Variants in ASTN2 observed in about 807,000 individuals in gnomAD.
ASTN2 encodes the protein astrotactin-2.
Under a neutral mutation model 139.8 loss-of-function variants are expected in ASTN2, and 54 were observed. The observed-to-expected ratio is 0.39, with a 90% confidence interval of 0.31 to 0.48. The LOEUF is 0.48. ASTN2 is among the 20% of genes least tolerant of loss of function. The probability of loss-of-function intolerance (pLI) is 0.95; values close to 1 mark genes in which losing one functional copy is unlikely to be tolerated. For missense variants in ASTN2, 1,565 were observed against 1,725.1 expected, an observed-to-expected ratio of 0.91 and a Z score of 1.64; for synonymous variants, 756 against 719.5, an observed-to-expected ratio of 1.05 and a Z score of -0.81.
intron 17 of ASTN2, among the ~76,000 whole-genome samples, chr9:116,645,689 T>A (rs530233932): frequency 3.5e-4 from 53 of 152,338 alleles, no homozygotes; most frequent in Non-Finnish European, 5.4e-4. Flanking sequence ...ACTTCCACTC[T>A]GCATTAGAAT....
chr9:116,914,583 T>C (rs59273051), intron 10 of ASTN2, among the ~76,000 whole-genome samples: 2 of 147,794 alleles, frequency 1.4e-5, no homozygotes, highest in Non-Finnish European at 3.0e-5. Flanking sequence ...TTATATATAT[T>C]TTTTTTTACA....
chr9:116,423,762 T>C lies in ASTN2; in HGVS notation c.*2089A>G, dbSNP rs1295177674. 6.7e-6 allele frequency among the ~76,000 whole-genome samples: 1 copy of C among 149,252 alleles called. No homozygotes were observed. Among genetic ancestry groups the C allele is most frequent in the Non-Finnish European group, 1.5e-5 (1 of 68,018 alleles). ...TTGGAAGAATCTCTTTCTGCTTTGTTTTCTTTTGTGTTACCCATTTTCCCC... is the reference window on the plus strand; with the variant it reads ...TTGGAAGAATCTCTTTCTGCTTTGTCTTCTTTTGTGTTACCCATTTTCCCC... On this transcript the variant is annotated 3_prime_UTR_variant, in exon 23 of 23. Coordinates refer to ENST00000313400, the MANE Select transcript of ASTN2 (RefSeq NM_001365068.1).
intron 1 of ASTN2, among the ~76,000 whole-genome samples, chr9:117,340,136 C>A (rs1247652051): frequency 1.3e-5 from 2 of 151,508 alleles, no homozygotes; most frequent in African/African-American, 4.9e-5. Context: ...ACCAGCCTAG[C>A]CAACCTGGTG....
intron 3 of ASTN2, among the ~76,000 whole-genome samples, chr9:117,193,639 C>CAAAAAAAAA (rs61700943): frequency 2.1e-4 from 22 of 105,872 alleles, no homozygotes; most frequent in Middle Eastern, 6.2e-3. Context: ...ATTCAGTCAC[C>CAAAAAAAAA]AAAAAAAAAA....
chr9:117,214,689 G>A lies in ASTN2; in HGVS notation c.684C>T (p.Tyr228=), dbSNP rs753397797. ...LLLLVFTVAL[Y]AQRRWQKRRR... ...GACGCTTCTGCCAACGTCGCTGGGCGTACAGCGCCACGGTGAACACCAGCA... is the reference window on the plus strand; with the variant it reads ...GACGCTTCTGCCAACGTCGCTGGGCATACAGCGCCACGGTGAACACCAGCA... The change falls in exon 3 of 23, where the codon TAC becomes TAT. Residue 228 remains tyrosine, a synonymous_variant. Coordinates refer to ENST00000313400, the MANE Select transcript of ASTN2 (RefSeq NM_001365068.1). 1.4e-5 allele frequency: 21 copies of A among 1,538,412 alleles called. No individual in the cohort carries two copies. Among genetic ancestry groups the A allele is most frequent in the African/African-American group, 9.5e-5 (7 of 73,562 alleles).
intron 10 of ASTN2, among the ~76,000 whole-genome samples, chr9:116,941,024 C>A (rs1447523489): frequency 6.6e-6 from 1 of 152,298 alleles, no homozygotes; most frequent in South Asian, 2.1e-4. Flanking sequence ...TAGGCTACAT[C>A]ATGTAGCCTT....
rs1041914645 is a variant in ASTN2, at chr9:116,522,854, C to G, written c.3356-35354G>C. On this transcript the variant is annotated intron_variant, in intron 19 of 22. Transcript: ENST00000313400. Reference sequence around the variant, plus strand: ...AAGACTTTAACCCAGTTTTGTCTTCCACTAAATTCTGTATTATCTCTACTA... The same window carrying G: ...AAGACTTTAACCCAGTTTTGTCTTCGACTAAATTCTGTATTATCTCTACTA... Among the ~76,000 whole-genome samples the G allele has an allele frequency of 5.3e-5, 8 of 152,092 alleles. 1 individual carries two copies. Among genetic ancestry groups the G allele is most frequent in the Admixed American group, 4.6e-4 (7 of 15,244 alleles).
chr9:116,747,502 T>A (rs1829276158), intron 13 of ASTN2, among the ~76,000 whole-genome samples: 1 of 152,154 alleles, frequency 6.6e-6, no homozygotes, highest in Non-Finnish European at 1.5e-5. Flanking sequence ...CCTTGTGAGT[T>A]AGGTATTATT....
At chr9:117,387,809 A>G (rs1830438237) in intron 1 of ASTN2, among the ~76,000 whole-genome samples, 1 of 152,208 alleles carries the variant, frequency 6.6e-6, no homozygotes, top group African/African-American at 2.4e-5. Flanking sequence ...CAAGAAAGTC[A>G]TCACTTTTGC....
chr9:116,518,553 C>A (rs1850742376), intron 19 of ASTN2, among the ~76,000 whole-genome samples: 1 of 151,994 alleles, frequency 6.6e-6, no homozygotes. Flanking sequence ...AAAATAGAAC[C>A]TCCTTAAAGC....
rs1249661588 is a variant in ASTN2, at chr9:117,401,780, C to T, written c.442+12717G>A. On this transcript the variant is annotated intron_variant, in intron 1 of 22. Transcript: ENST00000313400. ...GTACATTTTTATTTATAGGTACTGA[C>T]ATCTGAATTTCATATGATTGTCACA... 2.0e-5 allele frequency among the ~76,000 whole-genome samples: 3 copies of T among 152,174 alleles called. No individual in the cohort carries two copies. The East Asian group carries it at 5.8e-4, about 29-fold the overall frequency.
intron 2 of ASTN2, among the ~76,000 whole-genome samples, chr9:117,229,250 C>T (rs574133691): frequency 5.3e-5 from 8 of 152,226 alleles, no homozygotes; most frequent in African/African-American, 1.9e-4. Flanking sequence ...ACTGATAACG[C>T]TCCCCGCCCC....
At chr9:116,933,252 C>A (rs981482142) in intron 10 of ASTN2, among the ~76,000 whole-genome samples, 1 of 152,100 alleles carries the variant, frequency 6.6e-6, no homozygotes, top group Non-Finnish European at 1.5e-5. Flanking sequence ...ATCGAGCACC[C>A]CTCCTGGATT....
intron 11 of ASTN2, among the ~76,000 whole-genome samples, chr9:116,832,631 T>G (rs1338701883): frequency 6.6e-6 from 1 of 152,138 alleles, no homozygotes; most frequent in Non-Finnish European, 1.5e-5. Context: ...GTGATTTTTC[T>G]TCTTCTGCCT....
intron 12 of ASTN2, among the ~76,000 whole-genome samples, chr9:116,813,010 G>T (rs961530187): frequency 6.6e-6 from 1 of 152,008 alleles, no homozygotes; most frequent in East Asian, 1.9e-4. Flanking sequence ...CTATTTAGTT[G>T]TTGGGTTTTT....
At chr9:116,430,643 G>T (rs1047122910) in intron 22 of ASTN2, among the ~76,000 whole-genome samples, 29 of 152,190 alleles carry the variant, frequency 1.9e-4, no homozygotes, top group African/African-American at 7.0e-4. Context: ...AATGAAAATA[G>T]AAATATTTAT....
intron 16 of ASTN2, among the ~76,000 whole-genome samples, chr9:116,718,975 C>CTATATATATATATATATATATATATAT (rs1564230183): frequency 8.6e-6 from 1 of 116,576 alleles, no homozygotes; most frequent in Non-Finnish European, 1.7e-5. Context: ...TGTATCTGTA[C>CTATATATATATATATATATATATATAT]ATATATATAT....
chr9:117,404,602 C>T (rs1435894031), intron 1 of ASTN2, among the ~76,000 whole-genome samples: 3 of 152,094 alleles, frequency 2.0e-5, no homozygotes, highest in African/African-American at 7.2e-5. Flanking sequence ...GGAGGAAACA[C>T]GAAAACTGCA....
At chr9:116,876,352 A>G (rs1015708081) in intron 10 of ASTN2, among the ~76,000 whole-genome samples, 2 of 152,246 alleles carry the variant, frequency 1.3e-5, no homozygotes, top group Non-Finnish European at 2.9e-5. Context: ...AGGAGCAAAG[A>G]AAAGTGGTTT....
Sources: gnomAD v4.1 joint callset for allele counts (sites outside exome capture counted in the v4.1 genomes callset) on GRCh38, gnomAD v4.1.1 for gene constraint, MANE v1.5 for transcripts, NCBI Gene and HGNC (gene_info 2026-07-23, HGNC 2026-07-21) for gene names.